Variants in PCDHGA1 observed in about 807,000 individuals in gnomAD.
PCDHGA1 encodes protocadherin gamma-A1.
Under a neutral mutation model 58.0 loss-of-function variants are expected in PCDHGA1, and 32 were observed. That is an observed-to-expected ratio of 0.55 (90% CI 0.42 to 0.74). The LOEUF is 0.74. Among genes scored for constraint, PCDHGA1 ranks in the 30% least tolerant of loss-of-function variants. The pLI, the probability that PCDHGA1 is intolerant of heterozygous loss-of-function variation, is 0.00. For synonymous variants in PCDHGA1, 498 were observed against 501.1 expected (o/e 0.99, Z 0.08); for missense variants, 1,205 against 1,182.3 (o/e 1.02, Z -0.28).
At chr5:141,407,512 T>G (rs910710605) in intron 1 of PCDHGA1, among the ~76,000 whole-genome samples, 3 of 152,192 alleles carry the variant, frequency 2.0e-5, no homozygotes, top group Non-Finnish European at 4.4e-5. Flanking sequence ...TCTTAGGCTA[T>G]GTAGGACTTA....
intron 1 of PCDHGA1, chr5:141,375,345 C>A (rs749825552): frequency 1.9e-6 from 3 of 1,613,740 alleles, no homozygotes; most frequent in Non-Finnish European, 2.5e-6. Context: ...TACAACATCA[C>A]TGTGACAGCC....
chr5:141,381,826 C>CTTTTTTTTTTTTTTTTTTTTTTT (rs770630741), intron 1 of PCDHGA1, among the ~76,000 whole-genome samples: 5 of 74,282 alleles, frequency 6.7e-5, no homozygotes, highest in Non-Finnish European at 1.2e-4. Context: ...CTTTCTTCTT[C>CTTTTTTTTTTTTTTTTTTTTTTT]TTTTTTTTTT....
intron 1 of PCDHGA1, among the ~76,000 whole-genome samples, chr5:141,433,747 G>A (rs566709728): frequency 1.3e-5 from 2 of 150,990 alleles, no homozygotes; most frequent in East Asian, 4.0e-4. Context: ...TGAGTCAGGA[G>A]AATTGCTTTA....
Position 141,432,039 on chromosome 5 carries a change from G to C in PCDHGA1, c.2422-62768G>C. ...AACATCACAGTGACCGCCACTGACC[G>C]GGGAACCCCGCCCCTATCCACGGAA... On this transcript the variant is annotated intron_variant, in intron 1 of 3. Transcript: ENST00000517417. This position sits in a 1 kb window ranked among gnomAD's most constrained non-coding sequence, Gnocchi z 6.0. 6.2e-7 allele frequency: 1 copy of C among 1,614,176 alleles called. No homozygotes were observed. Among genetic ancestry groups the C allele is most frequent in the Non-Finnish European group, 8.5e-7 (1 of 1,180,028 alleles).
At chr5:141,341,009 C>A in intron 1 of PCDHGA1, 2 of 1,614,150 alleles carry the variant, frequency 1.2e-6, no homozygotes, top group South Asian at 2.2e-5. Flanking sequence ...CAGCCTCGAG[C>A]CCTCCGCCAT....
chr5:141,403,634 A>C, intron 1 of PCDHGA1: 1 of 1,613,920 alleles, frequency 6.2e-7, no homozygotes, highest in Non-Finnish European at 8.5e-7. Context: ...CACAGTGCGC[A>C]TCCATGTGAC....
intron 1 of PCDHGA1, chr5:141,383,630 T>C: frequency 6.2e-7 from 1 of 1,613,986 alleles, no homozygotes; most frequent in Non-Finnish European, 8.5e-7. Context: ...GTCTTCTCTC[T>C]GCCTCAGTAC....
Position 141,489,712 on chromosome 5 carries a change from C to T in PCDHGA1, c.2422-5095C>T. On this transcript the variant is annotated intron_variant, in intron 1 of 3. Coordinates refer to ENST00000517417, the MANE Select transcript of PCDHGA1 (RefSeq NM_018912.3). The surrounding 1 kb of genome is among the most constrained non-coding windows in gnomAD (Gnocchi z 4.5). The stretch of plus-strand genomic sequence containing the variant: ...GGCACGATTCCCACTGGACAGTGCC[C>T]AGGATCCGGATGTGGGCACCAATAC... The T allele has an allele frequency of 6.2e-7, 1 of 1,614,162 alleles. No individual in the cohort carries two copies. The highest frequency in any genetic ancestry group is 1.1e-5 in the South Asian group (1 of 91,078).
At position 141,409,159 on chromosome 5, in the gene PCDHGA1, GGAAGC is replaced by G. The variant is rs1361879939; in HGVS notation, c.2421+76059_2421+76063del. On this transcript the variant is annotated intron_variant, in intron 1 of 3. Transcript: ENST00000517417. ...ATGTAGAAAGGTACACCATGGAAGTGGAAGCGAAGGACGGAGGTGGTCTCTCTACC... is the reference window on the plus strand; with the variant it reads ...ATGTAGAAAGGTACACCATGGAAGTGGAAGGACGGAGGTGGTCTCTCTACC... The G allele has an allele frequency of 3.1e-6, 5 of 1,614,014 alleles. 1 individual carries two copies. In the South Asian group the frequency reaches 5.5e-5, roughly 18 times the overall value.
At chr5:141,403,979 A>G in intron 1 of PCDHGA1, 1 of 1,613,932 alleles carries the variant, frequency 6.2e-7, no homozygotes, top group Non-Finnish European at 8.5e-7. Context: ...TGTAAATGAC[A>G]ATAGACCTGA....
At chr5:141,410,736 A>G (rs553799279) in intron 1 of PCDHGA1, 1 of 1,334,690 alleles carries the variant, frequency 7.5e-7, no homozygotes, top group East Asian at 2.4e-5. Flanking sequence ...ATAGCTTTTT[A>G]CAATATTTTC....
chr5:141,419,451 C>T (rs747887064), intron 1 of PCDHGA1: 2 of 1,612,796 alleles, frequency 1.2e-6, no homozygotes, highest in Non-Finnish European at 8.5e-7. Flanking sequence ...TTCGAGCTCA[C>T]GCTGCAGGCC....
Position 141,511,178 on chromosome 5 carries a change from G to A in PCDHGA1, c.*5G>A. The A allele has an allele frequency of 6.2e-7, 1 of 1,614,090 alleles. No homozygotes were observed. Among genetic ancestry groups the A allele is most frequent in the South Asian group, 1.1e-5 (1 of 91,074 alleles). On this transcript the variant is annotated 3_prime_UTR_variant, in exon 4 of 4. Coordinates refer to ENST00000517417, the MANE Select transcript of PCDHGA1 (RefSeq NM_018912.3). ...GGCAAGAAGGAGAAGAAGTAACATG[G>A]AGGCCAGGCCAAGAGCCACAGGGCG...
At position 141,332,303 on chromosome 5, in the gene PCDHGA1, C is replaced by A; in HGVS notation, c.1619C>A (p.Pro540Gln). Residue 540 changes from proline to glutamine, a missense_variant, in exon 1 of 4, where the codon CCG (proline) becomes CAG (glutamine). Physicochemically the swap from Pro to Gln is moderately conservative, Grantham distance 76. Transcript: ENST00000517417. This position sits in a 1 kb window ranked among gnomAD's most constrained non-coding sequence, Gnocchi z 4.6. ...GTGATGGCGCGGGACAGTGGGGATC[C>A]GCCCCTCAGCAGCAACGTGTCTCTC... Reference protein sequence around the residue: ...LKVMARDSGDPPLSSNVSLSL... With the variant: ...LKVMARDSGDQPLSSNVSLSL... 6.2e-7 allele frequency: 1 copy of A among 1,614,214 alleles called. No homozygotes were observed. Among genetic ancestry groups the A allele is most frequent in the African/African-American group, 1.3e-5 (1 of 75,054 alleles).
At chr5:141,420,327 A>G in intron 1 of PCDHGA1, 1 of 1,425,478 alleles carries the variant, frequency 7.0e-7, no homozygotes, top group South Asian at 1.5e-5. Context: ...ATGCCAATAT[A>G]TTCCAATATA....
At chr5:141,415,318 C>T (rs1324377536) in intron 1 of PCDHGA1, 4 of 1,614,252 alleles carry the variant, frequency 2.5e-6, no homozygotes, top group Admixed American at 1.7e-5. Flanking sequence ...CGTCATCGTG[C>T]TGCTGGCGCA....
intron 1 of PCDHGA1, chr5:141,350,225 T>A: frequency 6.7e-7 from 1 of 1,498,610 alleles, no homozygotes; most frequent in Non-Finnish European, 8.9e-7. Context: ...TTGAAAAACA[T>A]CCCAGAGGAA....
intron 1 of PCDHGA1, among the ~76,000 whole-genome samples, chr5:141,369,320 G>T (rs775938147): frequency 6.6e-6 from 1 of 152,104 alleles, no homozygotes. Flanking sequence ...TACTTGAGAA[G>T]AAACAGTACA....
intron 1 of PCDHGA1, among the ~76,000 whole-genome samples, chr5:141,463,099 A>G (rs1445730117): frequency 1.4e-4 from 21 of 152,204 alleles, no homozygotes; most frequent in Admixed American, 1.4e-3. Context: ...CTATGTGACC[A>G]TCAAGAATTC....
Sources: gnomAD v4.1 joint callset for allele counts (sites outside exome capture counted in the v4.1 genomes callset) on GRCh38, gnomAD v4.1.1 for gene constraint, Gnocchi (gnomAD v3.1) non-coding constraint, MANE v1.5 for transcripts, NCBI Gene and HGNC (gene_info 2026-07-23, HGNC 2026-07-21) for gene names.